COL12A1: variants seen among roughly 807,000 people sequenced by gnomAD.
COL12A1 encodes collagen alpha-1(XII) chain.
COL12A1 carries 114 observed loss-of-function variants against 349.7 expected under a neutral mutation model. That is an observed-to-expected ratio of 0.33 (90% CI 0.28 to 0.38). The LOEUF is 0.38. Ranked by LOEUF, COL12A1 falls within the 10% of genes least tolerant of loss-of-function variation. The pLI is 1.00. For synonymous variants in COL12A1, 1,369 were observed against 1,329.0 expected, an observed-to-expected ratio of 1.03 and a Z score of -0.66; for missense variants, 3,284 against 3,756.9, an observed-to-expected ratio of 0.87 and a Z score of 3.29.
At position 75,154,543 on chromosome 6, in the gene COL12A1, A is replaced by C; in HGVS notation, c.3444-6T>G. 2 of 1,607,370 alleles carry C rather than the reference A, an allele frequency of 1.2e-6. No homozygotes were observed. Among genetic ancestry groups the C allele is most frequent in the Non-Finnish European group, 8.5e-7 (1 of 1,176,004 alleles). ...CTTTATAGGTGGTACCAGCCCTAAAATGTTAAAGTATATATATAGCCTGTG... is the reference window on the plus strand; with the variant it reads ...CTTTATAGGTGGTACCAGCCCTAAACTGTTAAAGTATATATATAGCCTGTG... On this transcript the variant is annotated splice_region_variant and splice_polypyrimidine_tract_variant and intron_variant, in intron 16 of 65. Coordinates refer to ENST00000322507, the MANE Select transcript of COL12A1 (RefSeq NM_004370.6).
Position 75,202,781 on chromosome 6 carries a change from C to G in COL12A1, c.12G>C (p.Arg4Ser). MRS[R>S]LPPALAALGA... is the part of the protein sequence containing the mutation. ...CCAGGGCGGCAAGCGCTGGGGGAAG[C>G]CTACTCCGCATCCTTGGCCTCCGAG... Residue 4 changes from arginine (R) to serine (S), a missense_variant, in exon 2 of 66, where the codon AGG (arginine) becomes AGC (serine). Transcript: ENST00000322507. 1 of 1,551,816 alleles carries G rather than the reference C, an allele frequency of 6.4e-7. No homozygotes were observed. The highest frequency in any genetic ancestry group is 1.2e-5 in the South Asian group (1 of 84,064).
At chr6:75,179,787 G>A (rs1354147267) in intron 11 of COL12A1, among the ~76,000 whole-genome samples, 1 of 152,172 alleles carries the variant, frequency 6.6e-6, no homozygotes, top group Non-Finnish European at 1.5e-5. Context: ...AAGAATAATT[G>A]CCTTGCCTTA....
chr6:75,190,322 A>C (rs1048125009), intron 5 of COL12A1, among the ~76,000 whole-genome samples: 3 of 151,980 alleles, frequency 2.0e-5, no homozygotes, highest in Non-Finnish European at 4.4e-5. Context: ...ATTTGTTAAT[A>C]TACTCTTGCA....
At chr6:75,109,691 G>A (rs527910708) in intron 51 of COL12A1, among the ~76,000 whole-genome samples, 8 of 152,136 alleles carry the variant, frequency 5.3e-5, no homozygotes, top group Admixed American at 2.0e-4. Context: ...TTCAACTCTG[G>A]AAATCGATAG....
chr6:75,114,122 TTATGAC>T (rs1368791130), intron 49 of COL12A1, among the ~76,000 whole-genome samples: 1 of 151,852 alleles, frequency 6.6e-6, no homozygotes, highest in East Asian at 1.9e-4. Context: ...ATGATAAACA[TTATGAC>T]TATGGGTATC....
rs555905349 is a variant in COL12A1 at position 75,105,233 on chromosome 6, A to G, written c.8238T>C (p.Val2746=). Residue 2746 remains valine (V), a synonymous_variant, in exon 54 of 66, where the codon GTT becomes GTC. Transcript: ENST00000322507. The part of the protein sequence containing the change: ...PNSCTCTQDS[V]GPPGPPGPAG... ...CAGGGCCTGGAGGTCCTGGAGGTCC[A>G]ACGCTGTCCTGTGTACATGTGCAAG... is the stretch of plus-strand genomic sequence containing the variant. The G allele has an allele frequency of 3.3e-5, 54 of 1,613,786 alleles. No individual in the cohort carries two copies. The highest frequency in any genetic ancestry group is 3.3e-4 in the Middle Eastern group (2 of 6,060).
chr6:75,121,635 T>A (rs1230849613), intron 43 of COL12A1, among the ~76,000 whole-genome samples, 194 bp from the exon 44 acceptor site: 2 of 152,186 alleles, frequency 1.3e-5, no homozygotes, highest in Admixed American at 6.5e-5. Context: ...GTACCAGCAG[T>A]AATAAGATGA....
intron 14 of COL12A1, among the ~76,000 whole-genome samples, chr6:75,156,921 C>T (rs749430712): frequency 1.3e-5 from 2 of 152,142 alleles, no homozygotes; most frequent in Non-Finnish European, 2.9e-5. Flanking sequence ...GGACATTTTA[C>T]TTGAACTTTT....
chr6:75,092,545 A>G (rs1767822764), intron 60 of COL12A1, among the ~76,000 whole-genome samples: 1 of 149,344 alleles, frequency 6.7e-6, no homozygotes. Flanking sequence ...CAGGCTGCCA[A>G]CTGCTATCAC....
Position 75,156,347 on chromosome 6 carries a change from G to T in COL12A1, c.3160C>A (p.Arg1054=). The T allele has an allele frequency of 1.2e-6, 2 of 1,613,848 alleles. No homozygotes were observed. The highest frequency in any genetic ancestry group is 1.7e-4 in the Middle Eastern group (1 of 6,060). The part of the protein sequence containing the change: ...PPTVTSTVLK[R]LQPQTTYDIT... Reference sequence around the variant, plus strand: ...TCATATGTGGTCTGTGGCTGAAGTCGCTTTAACACTGTCGAAGTGACTGTG... The same window carrying T: ...TCATATGTGGTCTGTGGCTGAAGTCTCTTTAACACTGTCGAAGTGACTGTG... Residue 1054 remains arginine (R), a synonymous_variant, in exon 15 of 66, where the codon CGA becomes AGA. Coordinates refer to ENST00000322507, the MANE Select transcript of COL12A1 (RefSeq NM_004370.6).
intron 49 of COL12A1, 30 bp downstream of exon 49, chr6:75,115,753 GA>G: frequency 6.4e-7 from 1 of 1,568,590 alleles, no homozygotes; most frequent in South Asian, 1.2e-5. Flanking sequence ...CAGGTCTTAA[GA>G]AAAGGAAAAC....
At chr6:75,143,507 T>A in intron 25 of COL12A1, 119 bp from the exon 26 acceptor site, 7 of 1,018,890 alleles carry the variant, frequency 6.9e-6, no homozygotes, top group Admixed American at 6.4e-5. Context: ...GCAAAATAAC[T>A]GAAAAAAATG....
chr6:75,182,932 T>A (rs1387137604), intron 10 of COL12A1, 118 bp downstream of exon 10: 2 of 1,254,150 alleles, frequency 1.6e-6, no homozygotes, highest in African/African-American at 3.0e-5. Flanking sequence ...TTCAATAACA[T>A]AGGAAAGTTA....
rs1279434374 is a variant in COL12A1 at position 75,175,074 on chromosome 6, C to T, written c.2674G>A (p.Gly892Arg). Residue 892 changes from glycine (G) to arginine (R), a missense_variant, in exon 13 of 66, where the codon GGA becomes AGA. Physicochemically the swap from Gly to Arg is moderately radical, Grantham distance 125. Transcript: ENST00000322507. ...SVTALYASGA[G>R]DALFGEGTTL... is the part of the protein sequence containing the mutation. ...GTTCCTTCACCAAAGAGGGCGTCTC[C>T]AGCCCCAGACGCATACAAGGCTGTC... 6.2e-7 allele frequency: 1 copy of T among 1,614,000 alleles called. No homozygotes were observed. The highest frequency in any genetic ancestry group is 1.3e-5 in the African/African-American group (1 of 74,906).
rs111547439 is a variant in COL12A1, at chr6:75,130,922, G to C, written c.5997C>G (p.Leu1999=). The C allele has an allele frequency of 2.5e-6, 4 of 1,614,160 alleles. No homozygotes were observed. The highest frequency in any genetic ancestry group is 2.7e-5 in the African/African-American group (2 of 75,044). The change falls in exon 36 of 66, where the codon CTC becomes CTG. Residue 1999 remains leucine, a synonymous_variant. Transcript: ENST00000322507. ...VHLERLIPDT[L]YSVNLVALYS... is the part of the protein sequence containing the mutation. Reference sequence around the variant, plus strand: ...ACAGAGCCACAAGGTTCACGGAATAGAGTGTGTCCGGAATCAGCCGCTCCA... The same window carrying C: ...ACAGAGCCACAAGGTTCACGGAATACAGTGTGTCCGGAATCAGCCGCTCCA...
intron 8 of COL12A1, among the ~76,000 whole-genome samples, chr6:75,184,754 C>T (rs1315320758): frequency 3.9e-5 from 6 of 152,078 alleles, no homozygotes; most frequent in East Asian, 1.9e-4. Flanking sequence ...TGCATATTAA[C>T]GCATGCATAT....
At chr6:75,151,653 T>G (rs1204469206) in intron 20 of COL12A1, among the ~76,000 whole-genome samples, 1 of 152,124 alleles carries the variant, frequency 6.6e-6, no homozygotes, top group African/African-American at 2.4e-5. Context: ...TTTTTCTTCT[T>G]GATCTATTAA....
At chr6:75,163,559 G>A (rs751658252) in intron 14 of COL12A1, among the ~76,000 whole-genome samples, 1 of 152,148 alleles carries the variant, frequency 6.6e-6, no homozygotes. Flanking sequence ...AATACCTAAT[G>A]TAGATGATGG....
chr6:75,137,913 G>A (rs531407909), intron 30 of COL12A1, among the ~76,000 whole-genome samples: 1 of 152,044 alleles, frequency 6.6e-6, no homozygotes, highest in African/African-American at 2.4e-5. Context: ...ACATGAGAGA[G>A]TTTATTCTCT....
Sources: allele counts gnomAD v4.1 joint callset (sites outside exome capture counted in the v4.1 genomes callset), GRCh38; gene constraint gnomAD v4.1.1; transcripts MANE v1.5; gene names NCBI Gene and HGNC (gene_info 2026-07-23, HGNC 2026-07-21).